Variants in LRP1B observed in about 807,000 individuals in gnomAD.
LRP1B encodes low-density lipoprotein receptor-related protein 1B.
A neutral mutation model predicts 556.6 loss-of-function variants in LRP1B; 217 were observed. The ratio of observed to expected loss-of-function variants is 0.39; its 90% CI spans 0.35 to 0.44. LRP1B has a LOEUF of 0.44. Among genes scored for constraint, LRP1B ranks in the 20% least tolerant of loss-of-function variants. The probability of loss-of-function intolerance (pLI) is 1.00; values close to 1 mark genes in which losing one functional copy is unlikely to be tolerated. For missense variants in LRP1B, 5,053 were observed against 5,620.8 expected, an observed-to-expected ratio of 0.90 and a Z score of 3.23; for synonymous variants, 2,047 against 1,865.8, an observed-to-expected ratio of 1.10 and a Z score of -2.50.
chr2:141,853,377 TACTC>T lies in LRP1B; in HGVS notation c.83-42980_83-42977del, dbSNP rs144318048. 8.0e-3 allele frequency among the ~76,000 whole-genome samples: 1,217 copies of T among 151,864 alleles called. 21 individuals carry two copies. The highest frequency in any genetic ancestry group is 0.028 in the African/African-American group (1,159 of 41,486). On this transcript the variant is annotated intron_variant, in intron 1 of 90. Coordinates refer to ENST00000389484, the MANE Select transcript of LRP1B (RefSeq NM_018557.3). ...AATGATATGTACTTTAATTGTGAAA[TACTC>T]AATCTCAATTGTGCCTATTCTATTT... is the stretch of plus-strand genomic sequence containing the variant.
intron 46 of LRP1B, among the ~76,000 whole-genome samples, chr2:140,536,086 C>A (rs1690951834): frequency 6.6e-6 from 1 of 151,730 alleles, no homozygotes; most frequent in Non-Finnish European, 1.5e-5. Flanking sequence ...AGAAAGTAAG[C>A]CTAAAACCTA....
At chr2:140,335,186 G>A (rs1681012769) in intron 78 of LRP1B, among the ~76,000 whole-genome samples, 2 of 128,956 alleles carry the variant, frequency 1.6e-5, no homozygotes, top group Admixed American at 7.5e-5. Context: ...GTGTGTGTGT[G>A]TGCATGTGTA....
intron 31 of LRP1B, among the ~76,000 whole-genome samples, chr2:140,817,358 T>A (rs1010439057): frequency 7.2e-5 from 11 of 151,898 alleles, no homozygotes; most frequent in African/African-American, 2.4e-4. Context: ...AAGAAAAAAA[T>A]ATATGAAAAG....
At chr2:140,403,178 C>T (rs1175563992) in intron 66 of LRP1B, among the ~76,000 whole-genome samples, 2 of 152,010 alleles carry the variant, frequency 1.3e-5, no homozygotes, top group African/African-American at 2.4e-5. Flanking sequence ...AATTAGTTTA[C>T]CCAAATGAGA....
intron 43 of LRP1B, among the ~76,000 whole-genome samples, 185 bp downstream of exon 43, chr2:140,598,443 AAAG>A (rs1035933111): frequency 1.3e-5 from 2 of 152,210 alleles, no homozygotes; most frequent in African/African-American, 2.4e-5. Flanking sequence ...AATGCATTTG[AAAG>A]AAGTTTTCAA....
At chr2:140,705,109 C>T in intron 37 of LRP1B, among the ~76,000 whole-genome samples, 1 of 152,070 alleles carries the variant, frequency 6.6e-6, no homozygotes, top group Non-Finnish European at 1.5e-5. Context: ...CCTATATTGT[C>T]TTCCCTAGAA....
chr2:140,355,982 C>T (rs1345681222), intron 75 of LRP1B, among the ~76,000 whole-genome samples: 4 of 151,888 alleles, frequency 2.6e-5, no homozygotes, highest in African/African-American at 7.2e-5. Context: ...AAATTCCACA[C>T]TCAAGAGAAA....
At chr2:140,768,131 T>A (rs1435911746) in intron 35 of LRP1B, among the ~76,000 whole-genome samples, 3 of 151,970 alleles carry the variant, frequency 2.0e-5, no homozygotes, top group African/African-American at 7.2e-5. Context: ...TTTTAAACAT[T>A]TGCCTCTATC....
intron 31 of LRP1B, among the ~76,000 whole-genome samples, chr2:140,819,618 CA>C (rs1414928799): frequency 6.6e-6 from 1 of 151,962 alleles, no homozygotes; most frequent in Admixed American, 6.5e-5. Context: ...ATAATATATA[CA>C]AATGGCAAAT....
chr2:140,769,141 A>G (rs2104933952), intron 35 of LRP1B, 72 bp downstream of exon 35: 1 of 1,395,344 alleles, frequency 7.2e-7, no homozygotes, highest in African/African-American at 1.4e-5. Context: ...AGAGGAAAAG[A>G]TTGTATTCCC....
chr2:141,679,664 G>C (rs528116887), intron 2 of LRP1B, among the ~76,000 whole-genome samples: 3 of 152,044 alleles, frequency 2.0e-5, no homozygotes, highest in Non-Finnish European at 2.9e-5. Flanking sequence ...TTGCTTATAA[G>C]AATGAAAAGC....
chr2:141,792,982 T>G (rs1386762570), intron 2 of LRP1B, among the ~76,000 whole-genome samples: 2 of 152,002 alleles, frequency 1.3e-5, no homozygotes, highest in Admixed American at 6.6e-5. Flanking sequence ...TAAGAGATCA[T>G]TTACTTGTCT....
At chr2:140,825,259 A>G (rs1226224475) in intron 31 of LRP1B, among the ~76,000 whole-genome samples, 3 of 152,136 alleles carry the variant, frequency 2.0e-5, no homozygotes, top group Admixed American at 6.5e-5. Context: ...ATGTAATATT[A>G]GTGAAAAGAG....
chr2:141,691,335 C>T (rs1022090240), intron 2 of LRP1B, among the ~76,000 whole-genome samples: 2 of 151,588 alleles, frequency 1.3e-5, no homozygotes, highest in African/African-American at 4.8e-5. Flanking sequence ...TTCTAGTGTT[C>T]TTCTGATTTA....
At chr2:140,800,410 A>C (rs1022358028) in intron 32 of LRP1B, among the ~76,000 whole-genome samples, 1 of 152,190 alleles carries the variant, frequency 6.6e-6, no homozygotes, top group African/African-American at 2.4e-5. Flanking sequence ...ATTAAAAAAA[A>C]GTTTGCTGCA....
At chr2:141,032,257 T>C (rs930268235) in intron 11 of LRP1B, among the ~76,000 whole-genome samples, 1 of 152,168 alleles carries the variant, frequency 6.6e-6, no homozygotes, top group African/African-American at 2.4e-5. Context: ...ATTGCTAACA[T>C]AAATGCATCA....
chr2:140,973,978 G>A (rs939610641), intron 18 of LRP1B, among the ~76,000 whole-genome samples: 9 of 152,052 alleles, frequency 5.9e-5, no homozygotes, highest in South Asian at 4.1e-4. Context: ...GGTAAGAAAA[G>A]CCCCTACAAA....
At chr2:140,483,615 C>CACACACACACACACACACATATAT (rs1403726877) in intron 59 of LRP1B, among the ~76,000 whole-genome samples, 1 of 88,368 alleles carries the variant, frequency 1.1e-5, no homozygotes, top group African/African-American at 4.5e-5. Context: ...CACACACACA[C>CACACACACACACACACACATATAT]ATATATATAT....
chr2:140,569,821 A>G (rs1032773424), intron 43 of LRP1B, among the ~76,000 whole-genome samples: 2 of 151,928 alleles, frequency 1.3e-5, no homozygotes, highest in African/African-American at 4.8e-5. Flanking sequence ...CAAATTTTTT[A>G]AAAATGGAAG....
Sources: allele counts gnomAD v4.1 joint callset (sites outside exome capture counted in the v4.1 genomes callset), GRCh38; gene constraint gnomAD v4.1.1; transcripts MANE v1.5; gene names NCBI Gene and HGNC (gene_info 2026-07-23, HGNC 2026-07-21).